The following TMEM117 variants were observed in gnomAD, a reference collection of about 807,000 sequenced individuals.
TMEM117 encodes the protein transmembrane protein 117.
A neutral mutation model predicts 52.4 loss-of-function variants in TMEM117; 27 were observed. The observed-to-expected ratio is 0.51, with a 90% CI of 0.38 to 0.71. The LOEUF (loss-of-function observed/expected upper bound fraction) is 0.71. TMEM117 is among the 30% of genes least tolerant of loss of function. The probability of loss-of-function intolerance (pLI) is 0.00; values close to 1 mark genes in which losing one functional copy is unlikely to be tolerated. For synonymous variants in TMEM117, 215 were observed against 206.3 expected (o/e 1.04, Z -0.36); for missense variants, 556 against 630.5 (o/e 0.88, Z 1.26).
chr12:44,089,080 C>T (rs1005376524), intron 3 of TMEM117, among the ~76,000 whole-genome samples: 4 of 152,104 alleles, frequency 2.6e-5, no homozygotes, highest in Non-Finnish European at 4.4e-5. Flanking sequence ...GGCTTTGATA[C>T]TTCAAGTATT....
intron 3 of TMEM117, among the ~76,000 whole-genome samples, chr12:44,121,295 T>G (rs1948230165): frequency 6.6e-6 from 1 of 152,114 alleles, no homozygotes; most frequent in South Asian, 2.1e-4. Context: ...GGAGTATGAG[T>G]AAACCTAAAA....
At chr12:43,958,564 C>T (rs533871451) in intron 3 of TMEM117, among the ~76,000 whole-genome samples, 15 of 152,176 alleles carry the variant, frequency 9.9e-5, no homozygotes, top group African/African-American at 3.6e-4. Flanking sequence ...ACCTGAACAA[C>T]GTGAAGGTGA....
At chr12:44,052,070 T>C (rs1422764966) in intron 3 of TMEM117, among the ~76,000 whole-genome samples, 1 of 152,222 alleles carries the variant, frequency 6.6e-6, no homozygotes, top group Non-Finnish European at 1.5e-5. Context: ...ATAGTACCTA[T>C]AGTTGATAGG....
At chr12:44,315,454 CTGTT>C (rs1350568707) in intron 6 of TMEM117, among the ~76,000 whole-genome samples, 1 of 152,134 alleles carries the variant, frequency 6.6e-6, no homozygotes, top group Non-Finnish European at 1.5e-5. Flanking sequence ...GTTGTGTTGA[CTGTT>C]CGTTTCTTTC....
chr12:43,849,122 C>T (rs1186236182), intron 2 of TMEM117, among the ~76,000 whole-genome samples: 1 of 152,096 alleles, frequency 6.6e-6, no homozygotes, highest in East Asian at 1.9e-4. Flanking sequence ...GGATCATCCA[C>T]CAAACATTAA....
At chr12:43,986,463 A>G (rs1258174406) in intron 3 of TMEM117, among the ~76,000 whole-genome samples, 1 of 152,088 alleles carries the variant, frequency 6.6e-6, no homozygotes, top group Non-Finnish European at 1.5e-5. Flanking sequence ...TATGGCATCT[A>G]TTATTGCTGA....
chr12:44,231,614 C>G (rs1949934153), intron 5 of TMEM117, among the ~76,000 whole-genome samples: 1 of 151,702 alleles, frequency 6.6e-6, no homozygotes, highest in Non-Finnish European at 1.5e-5. Context: ...CTTTGTTCTA[C>G]CCGTTTCCTT....
chr12:43,874,268 G>A (rs1943754606), intron 2 of TMEM117, among the ~76,000 whole-genome samples: 5 of 152,062 alleles, frequency 3.3e-5, no homozygotes, highest in Admixed American at 3.3e-4. Flanking sequence ...ATGGGTAAGA[G>A]GTCAGAAAGT....
intron 6 of TMEM117, among the ~76,000 whole-genome samples, chr12:44,326,187 GT>G (rs1951193014): frequency 6.6e-6 from 1 of 150,648 alleles, no homozygotes; most frequent in African/African-American, 2.5e-5. Context: ...TTTTGTTTTT[GT>G]TTTTTGTTTT....
At position 44,218,696 on chromosome 12, in the gene TMEM117, T is replaced by G. The variant is rs940754988; in HGVS notation, c.608+7309T>G. ...CAGACATAGAAAGACATTTAACCTA[T>G]CAGACATATGAGACATATTACCTAT... On this transcript the variant is annotated intron_variant, in intron 5 of 7. Transcript: ENST00000266534. 2.0e-5 allele frequency among the ~76,000 whole-genome samples: 3 copies of G among 152,192 alleles called. No individual in the cohort carries two copies. The East Asian group carries it at 5.8e-4, about 29-fold the overall frequency.
At chr12:44,234,952 G>T in intron 5 of TMEM117, among the ~76,000 whole-genome samples, 1 of 151,298 alleles carries the variant, frequency 6.6e-6, no homozygotes, top group African/African-American at 2.4e-5. Context: ...GTATCCATTA[G>T]GTTATGTTTA....
At chr12:44,238,438 C>T (rs1194172987) in intron 5 of TMEM117, among the ~76,000 whole-genome samples, 2 of 151,914 alleles carry the variant, frequency 1.3e-5, no homozygotes, top group African/African-American at 2.4e-5. Context: ...TTTACTAAAT[C>T]GAGGGATTTT....
chr12:44,228,153 C>T (rs147088882), intron 5 of TMEM117, among the ~76,000 whole-genome samples: 64 of 151,950 alleles, frequency 4.2e-4, no homozygotes, highest in African/African-American at 1.5e-3. Flanking sequence ...TAAATAGAAG[C>T]ACAATATGAT....
chr12:43,986,337 T>C (rs903372638), intron 3 of TMEM117, among the ~76,000 whole-genome samples: 2 of 152,186 alleles, frequency 1.3e-5, no homozygotes, highest in Admixed American at 6.5e-5. Context: ...GTTTTTGATA[T>C]AAAGTATTTT....
At chr12:43,861,774 G>A (rs1379487614) in intron 2 of TMEM117, among the ~76,000 whole-genome samples, 1 of 152,110 alleles carries the variant, frequency 6.6e-6, no homozygotes, top group Non-Finnish European at 1.5e-5. Flanking sequence ...TTGATTCTAT[G>A]CACTAGGGAT....
chr12:44,059,157 T>C (rs1436658821), intron 3 of TMEM117, among the ~76,000 whole-genome samples: 2 of 152,204 alleles, frequency 1.3e-5, no homozygotes, highest in Non-Finnish European at 2.9e-5. Flanking sequence ...CTCGTTGGCA[T>C]GCAGCTCACC....
chr12:44,188,814 G>A (rs1949313268), intron 4 of TMEM117, among the ~76,000 whole-genome samples: 1 of 151,192 alleles, frequency 6.6e-6, no homozygotes, highest in African/African-American at 2.4e-5. Flanking sequence ...CTTATTTATT[G>A]TGTTTACTGT....
chr12:43,950,779 A>C (rs748284922), intron 3 of TMEM117, among the ~76,000 whole-genome samples: 14 of 152,172 alleles, frequency 9.2e-5, no homozygotes, highest in Non-Finnish European at 1.9e-4. Context: ...TTTAGAAGTA[A>C]CAATTGTCCT....
chr12:43,886,787 C>T (rs1297931984), intron 2 of TMEM117, among the ~76,000 whole-genome samples: 1 of 152,092 alleles, frequency 6.6e-6, no homozygotes, highest in African/African-American at 2.4e-5. Flanking sequence ...GTCCTCCCAC[C>T]CTCCATCCCC....
Sources: gnomAD v4.1 joint callset for allele counts (sites outside exome capture counted in the v4.1 genomes callset) on GRCh38, gnomAD v4.1.1 for gene constraint, MANE v1.5 for transcripts, NCBI Gene and HGNC (gene_info 2026-07-23, HGNC 2026-07-21) for gene names.